The following FAT3 variants were observed in gnomAD, a reference collection of about 807,000 sequenced individuals.
FAT3 encodes the protein FAT atypical cadherin 3.
In FAT3, 95 loss-of-function variants were observed where a neutral mutation model predicts 310.2. That is an observed-to-expected ratio of 0.31 (90% confidence interval 0.26 to 0.36). The LOEUF (loss-of-function observed/expected upper bound fraction) is 0.36. FAT3 is among the 10% of genes least tolerant of loss of function. The pLI, the probability that FAT3 is intolerant of heterozygous loss-of-function variation, is 1.00. For synonymous variants in FAT3, 2,314 were observed against 2,192.9 expected (o/e 1.06, Z -1.54); for missense variants, 5,408 against 5,715.6 (o/e 0.95, Z 1.74).
intron 3 of FAT3, among the ~76,000 whole-genome samples, chr11:92,621,319 C>T (rs1163897194): frequency 6.6e-6 from 1 of 152,078 alleles, no homozygotes; most frequent in Non-Finnish European, 1.5e-5. Context: ...TTATATTATG[C>T]AGAAGGTGGG....
At chr11:92,501,375 T>C (rs984842954) in intron 2 of FAT3, among the ~76,000 whole-genome samples, 6 of 152,076 alleles carry the variant, frequency 3.9e-5, no homozygotes, top group Non-Finnish European at 5.9e-5. Flanking sequence ...TAGACTGGTA[T>C]TCCTAGAGTG....
chr11:92,759,302 G>T (rs1946085937), intron 4 of FAT3, among the ~76,000 whole-genome samples: 1 of 152,226 alleles, frequency 6.6e-6, no homozygotes, highest in Non-Finnish European at 1.5e-5. Context: ...ACACAGGGGT[G>T]AGAGCAGTGA....
intron 3 of FAT3, among the ~76,000 whole-genome samples, chr11:92,654,244 T>G (rs1942491975): frequency 6.6e-6 from 1 of 152,176 alleles, no homozygotes; most frequent in African/African-American, 2.4e-5. Flanking sequence ...TTCTGTAAGT[T>G]CCAGCCAGAA....
Position 92,805,182 on chromosome 11 carries a change from G to A in FAT3, c.8926G>A (p.Gly2976Ser), listed in dbSNP as rs2136198818. 1 of 1,612,894 alleles carries A rather than the reference G, an allele frequency of 6.2e-7. No individual in the cohort carries two copies. Among genetic ancestry groups the A allele is most frequent in the South Asian group, 1.1e-5 (1 of 90,944 alleles). Residue 2976 changes from glycine (G) to serine (S), a missense_variant, in exon 11 of 28, where the codon GGC becomes AGC. This residue lies in a region of FAT3 where 4,588 missense variants were observed against 4,809.8 expected (regional missense o/e 0.95). Coordinates refer to ENST00000525166, the MANE Select transcript of FAT3 (RefSeq NM_001367949.2). ...GGNPRGRFAL[G>S]LVQSEWKVYV... ...AAACCCTCGAGGAAGGTTTGCTCTG[G>A]GCCTGGTGCAAAGTGAGTGGAAGGT...
chr11:92,271,549 C>T (rs550500524), intron 1 of FAT3, among the ~76,000 whole-genome samples: 1 of 152,118 alleles, frequency 6.6e-6, no homozygotes, highest in Non-Finnish European at 1.5e-5. Context: ...TCTTCTACTG[C>T]ACAAGCTTAA....
chr11:92,433,354 C>T (rs569910861), intron 2 of FAT3, among the ~76,000 whole-genome samples: 1 of 152,280 alleles, frequency 6.6e-6, no homozygotes, highest in South Asian at 2.1e-4. Flanking sequence ...ACCCAGGGCC[C>T]TAATGGTGTA....
At chr11:92,400,169 A>T (rs1949979635) in intron 2 of FAT3, 1 of 152,188 alleles carries the variant, frequency 6.6e-6, no homozygotes, top group Non-Finnish European at 1.5e-5. Context: ...GTTGAAGCTG[A>T]ACTTTTAAAA....
intron 1 of FAT3, among the ~76,000 whole-genome samples, chr11:92,252,762 G>T (rs190025537): frequency 6.6e-6 from 1 of 152,208 alleles, no homozygotes; most frequent in East Asian, 1.9e-4. Context: ...AGCTCTAAAA[G>T]ACAGATTCAC....
intron 19 of FAT3, among the ~76,000 whole-genome samples, chr11:92,848,449 G>A (rs117538977): frequency 0.017 from 2,561 of 152,282 alleles, 29 homozygotes; most frequent in Middle Eastern, 0.061. Flanking sequence ...CCTCGAGCCC[G>A]TATAGGAGAT....
chr11:92,454,406 A>G (rs572501748), intron 2 of FAT3, among the ~76,000 whole-genome samples: 4 of 152,316 alleles, frequency 2.6e-5, no homozygotes, highest in Middle Eastern at 3.4e-3. Context: ...TCTGGTCCCA[A>G]CAACATCATC....
chr11:92,267,116 A>G (rs1945983737), intron 1 of FAT3, among the ~76,000 whole-genome samples: 1 of 151,784 alleles, frequency 6.6e-6, no homozygotes, highest in Non-Finnish European at 1.5e-5. Flanking sequence ...TTTTGCACCA[A>G]CTCGCTTATT....
intron 17 of FAT3, among the ~76,000 whole-genome samples, chr11:92,839,978 C>T (rs1373534778): frequency 6.6e-6 from 1 of 152,146 alleles, no homozygotes. Context: ...ATGTTTTACC[C>T]CGATTCGCTT....
intron 3 of FAT3, among the ~76,000 whole-genome samples, chr11:92,529,670 C>T (rs1273733903): frequency 6.6e-6 from 1 of 152,116 alleles, no homozygotes; most frequent in Non-Finnish European, 1.5e-5. Context: ...GTCTGTAAAA[C>T]ATAGATCCAG....
chr11:92,801,818 G>A lies in FAT3; in HGVS notation c.8805G>A (p.Glu2935=), dbSNP rs1947364575. 1 of 1,613,816 alleles carries A rather than the reference G, an allele frequency of 6.2e-7. No individual in the cohort carries two copies. The highest frequency in any genetic ancestry group is 1.7e-5 in the Admixed American group (1 of 60,004). The change falls in exon 10 of 28, where the codon GAG becomes GAA. Residue 2935 remains glutamate (E), a synonymous_variant. Transcript: ENST00000525166. ...AAGTGTACCGAGGGAATGTGAAGGA[G>A]AGCGACCCACCGGGCGAGGTGGTAG... ...AQEVYRGNVK[E]SDPPGEVVAV... is the part of the protein sequence containing the mutation.
chr11:92,575,092 AT>A (rs879470145), intron 3 of FAT3, among the ~76,000 whole-genome samples: 1 of 151,840 alleles, frequency 6.6e-6, no homozygotes, highest in African/African-American at 2.4e-5. Flanking sequence ...CTTTACCTTG[AT>A]TTTTTTTCCA....
intron 1 of FAT3, among the ~76,000 whole-genome samples, chr11:92,277,236 C>T (rs1308395204): frequency 6.6e-6 from 1 of 152,092 alleles, no homozygotes; most frequent in Non-Finnish European, 1.5e-5. Context: ...GATATAACAT[C>T]TAGAAGGTTG....
intron 9 of FAT3, among the ~76,000 whole-genome samples, chr11:92,793,199 G>T (rs1456290091): frequency 6.6e-6 from 1 of 152,150 alleles, no homozygotes; most frequent in Non-Finnish European, 1.5e-5. Context: ...TTCCTTTGTT[G>T]TGTTTGATCT....
intron 18 of FAT3, among the ~76,000 whole-genome samples, 160 bp downstream of exon 18, chr11:92,840,919 A>G (rs538373966): frequency 6.6e-6 from 1 of 152,280 alleles, no homozygotes; most frequent in South Asian, 2.1e-4. Context: ...CACACCAGTA[A>G]AAGCTGCCTC....
chr11:92,485,700 A>G (rs547735607), intron 2 of FAT3, among the ~76,000 whole-genome samples: 22 of 152,318 alleles, frequency 1.4e-4, no homozygotes, highest in South Asian at 6.2e-4. Context: ...ACTAAATACC[A>G]TAAGTCCCAT....
Sources: gnomAD v4.1 joint callset for allele counts (sites outside exome capture counted in the v4.1 genomes callset) on GRCh38, gnomAD v4.1.1 for gene constraint, gnomAD v4.1.1 regional missense constraint, MANE v1.5 for transcripts, NCBI Gene and HGNC (gene_info 2026-07-23, HGNC 2026-07-21) for gene names.